The following DCDC2C variants were observed in gnomAD, a reference collection of about 807,000 sequenced individuals.
DCDC2C encodes doublecortin domain-containing protein 2C.
A neutral mutation model predicts 45.0 loss-of-function variants in DCDC2C; 44 were observed. That is an observed-to-expected ratio of 0.98 (90% CI 0.77 to 1.26). DCDC2C has a LOEUF of 1.26. DCDC2C is among the 50% of genes most tolerant of loss of function. The pLI is 0.00. For missense variants in DCDC2C, 447 were observed against 468.9 expected, an observed-to-expected ratio of 0.95 and a Z score of 0.43; for synonymous variants, 187 against 178.8, an observed-to-expected ratio of 1.05 and a Z score of -0.37.
chr2:3,719,472 G>A (rs895548791), intron 2 of DCDC2C, among the ~76,000 whole-genome samples: 7 of 152,084 alleles, frequency 4.6e-5, no homozygotes, highest in African/African-American at 1.4e-4. Context: ...TCCTCATTCC[G>A]AGCTGGAGCT....
intron 10 of DCDC2C, among the ~76,000 whole-genome samples, chr2:3,816,861 G>T (rs1483527330): frequency 6.6e-6 from 1 of 152,198 alleles, no homozygotes; most frequent in Non-Finnish European, 1.5e-5. Context: ...TAGTAGAATA[G>T]CAGATGGAAC....
At chr2:3,837,575 G>A (rs1672111859) in intron 10 of DCDC2C, among the ~76,000 whole-genome samples, 1 of 152,090 alleles carries the variant, frequency 6.6e-6, no homozygotes, top group South Asian at 2.1e-4. Flanking sequence ...GAGGAGTTGT[G>A]GCTATTACAG....
chr2:3,830,095 G>T (rs370709871), intron 10 of DCDC2C, among the ~76,000 whole-genome samples: 1 of 152,186 alleles, frequency 6.6e-6, no homozygotes, highest in South Asian at 2.1e-4. Context: ...CACTGAATAT[G>T]CATCTTATTT....
chr2:3,724,602 C>T (rs370363300), intron 2 of DCDC2C, among the ~76,000 whole-genome samples: 4 of 152,156 alleles, frequency 2.6e-5, no homozygotes, highest in African/African-American at 7.2e-5. Context: ...ATTTACTCAA[C>T]GTGGGGTGAT....
intron 10 of DCDC2C, among the ~76,000 whole-genome samples, chr2:3,830,389 G>A (rs1671921655): frequency 6.6e-6 from 1 of 152,130 alleles, no homozygotes; most frequent in African/African-American, 2.4e-5. Context: ...GTGGTGCAGA[G>A]GAGAGCAAGC....
rs998738938 is a variant in DCDC2C, at chr2:3,708,642, C to A, written c.339+42C>A. 10 of 1,452,624 alleles carry A rather than the reference C, an allele frequency of 6.9e-6. No homozygotes were observed. The African/African-American group carries it at 1.3e-4, about 19-fold the overall frequency. The allele number at this position is 1,452,624 out of a possible 1,614,324, so 90.0% of individuals were successfully genotyped here. A position where few individuals can be genotyped will look rare whatever the true frequency, so the allele number is the denominator to read the frequency against. On this transcript the variant is annotated intron_variant, in intron 2 of 10. Coordinates refer to ENST00000399143, the MANE Select transcript of DCDC2C (RefSeq NM_001287444.2). ...AACAACTAATAATGGAATAAATTGG[C>A]CAACTTGGTAAAAATTTAAATGTCG...
chr2:3,707,829 C>T (rs1245762009), intron 1 of DCDC2C, among the ~76,000 whole-genome samples: 2 of 152,218 alleles, frequency 1.3e-5, no homozygotes, highest in Admixed American at 6.5e-5. Flanking sequence ...TCTTCCCCTT[C>T]TATTTACCAG....
intron 10 of DCDC2C, among the ~76,000 whole-genome samples, chr2:3,791,490 A>G (rs1670809829): frequency 6.6e-6 from 1 of 152,212 alleles, no homozygotes; most frequent in African/African-American, 2.4e-5. Flanking sequence ...AGGAAATGAA[A>G]TGGTTCCAGT....
rs112207431 is a variant in DCDC2C, at chr2:3,769,109, C to T, written c.854-202C>T. 7.8e-3 allele frequency: 4,209 copies of T among 540,548 alleles called. 25 individuals are homozygous for T. Among genetic ancestry groups the T allele is most frequent in the Non-Finnish European group, 9.8e-3 (2,943 of 299,032 alleles). 33.5% of individuals were successfully genotyped at this position (540,548 alleles called of 1,614,324 possible). A position where few individuals can be genotyped will look rare whatever the true frequency, so the allele number is the denominator to read the frequency against. On this transcript the variant is annotated intron_variant, in intron 7 of 10. Transcript: ENST00000399143. Reference sequence around the variant, plus strand: ...GACGGGGCTAAAATCGAGGCCACCACGCTGAGCACCTTGGCAGATGCAAAC... The same window carrying T: ...GACGGGGCTAAAATCGAGGCCACCATGCTGAGCACCTTGGCAGATGCAAAC...
Position 3,761,197 on chromosome 2 carries a change from T to C in DCDC2C, c.727-6557T>C, listed in dbSNP as rs889982244. 1.3e-5 allele frequency among the ~76,000 whole-genome samples: 2 copies of C among 152,236 alleles called. No homozygotes were observed. Among genetic ancestry groups the C allele is most frequent in the Non-Finnish European group, 2.9e-5 (2 of 68,040 alleles). On this transcript the variant is annotated intron_variant, in intron 6 of 10. Transcript: ENST00000399143. This position sits in a 1 kb window ranked among gnomAD's most constrained non-coding sequence, Gnocchi z 4.3. ...AAATGTTTAAAATTGCATTCACATA[T>C]TAAAATGAATGTTTTATGGTTCAGG...
At chr2:3,728,433 A>G (rs1208104002) in intron 3 of DCDC2C, among the ~76,000 whole-genome samples, 1 of 152,214 alleles carries the variant, frequency 6.6e-6, no homozygotes, top group African/African-American at 2.4e-5. Flanking sequence ...ACATACAGCA[A>G]CCTCAGGGAA....
intron 10 of DCDC2C, among the ~76,000 whole-genome samples, chr2:3,805,497 G>T (rs936101751): frequency 1.3e-5 from 2 of 152,172 alleles, no homozygotes; most frequent in Admixed American, 1.3e-4. Flanking sequence ...CTAAAGAGGG[G>T]CTTTATTAGT....
rs574756333 is a variant in DCDC2C at position 3,741,578 on chromosome 2, G to A, written c.417-342G>A. On this transcript the variant is annotated intron_variant, in intron 3 of 10. Coordinates refer to ENST00000399143, the MANE Select transcript of DCDC2C (RefSeq NM_001287444.2). ...CACACCCCCATCTCATGCTCTGTGA[G>A]GGGGACAAGAGAACTTTTCCTGTTT... is the stretch of plus-strand genomic sequence containing the variant. Among the ~76,000 whole-genome samples the A allele has an allele frequency of 4.0e-4, 61 of 152,264 alleles. No individual in the cohort carries two copies. The South Asian group carries it at 0.012, about 31-fold the overall frequency.
chr2:3,747,803 G>A (rs1035439979), intron 4 of DCDC2C, among the ~76,000 whole-genome samples: 2 of 152,226 alleles, frequency 1.3e-5, no homozygotes, highest in African/African-American at 4.8e-5. Context: ...GGCAGACACT[G>A]TCTAGTGGAG....
intron 6 of DCDC2C, among the ~76,000 whole-genome samples, chr2:3,756,181 A>G (rs760090417): frequency 3.3e-5 from 5 of 152,180 alleles, no homozygotes; most frequent in Non-Finnish European, 7.4e-5. Context: ...GAAGATTTGC[A>G]GAAGCTGGGT....
intron 3 of DCDC2C, among the ~76,000 whole-genome samples, chr2:3,740,206 T>C (rs77636362): frequency 0.033 from 5,017 of 152,370 alleles, 264 homozygotes; most frequent in East Asian, 0.16. Context: ...GGCTGTGGCA[T>C]AATTTATTTA....
intron 8 of DCDC2C, among the ~76,000 whole-genome samples, chr2:3,772,794 A>G (rs751981): frequency 0.04 from 6,101 of 152,262 alleles, 436 homozygotes; most frequent in African/African-American, 0.14. Flanking sequence ...CTGGGTCTCT[A>G]TCAACGGACA....
intron 8 of DCDC2C, among the ~76,000 whole-genome samples, chr2:3,773,873 C>A (rs964913859): frequency 1.3e-5 from 2 of 152,224 alleles, no homozygotes; most frequent in African/African-American, 4.8e-5. Context: ...CATGGTTTGA[C>A]TGAAATCACA....
chr2:3,767,792 C>T lies in DCDC2C; in HGVS notation c.765C>T (p.Gly255=), dbSNP rs1373264100. 2 of 1,550,334 alleles carry T rather than the reference C, an allele frequency of 1.3e-6. No homozygotes were observed. The highest frequency in any genetic ancestry group is 2.4e-5 in the South Asian group (2 of 83,888). The change falls in exon 7 of 11, where the codon GGC becomes GGT. Residue 255 remains glycine (G), a synonymous_variant. Transcript: ENST00000399143. ...GAAAAGAACCTTGTAAATATGATGGCATACCCCCTAAAACACAGGATTCTG... is the reference window on the plus strand; with the variant it reads ...GAAAAGAACCTTGTAAATATGATGGTATACCCCCTAAAACACAGGATTCTG... ...SKGKEPCKYD[G]IPPKTQDSVY...
Sources: gnomAD v4.1 joint callset for allele counts (sites outside exome capture counted in the v4.1 genomes callset) on GRCh38, gnomAD v4.1.1 for gene constraint, Gnocchi (gnomAD v3.1) non-coding constraint, MANE v1.5 for transcripts, NCBI Gene and HGNC (gene_info 2026-07-23, HGNC 2026-07-21) for gene names.